Variants in BCAS3 observed in about 807,000 individuals in gnomAD.
The protein encoded by BCAS3 is BCAS3 microtubule associated cell migration factor.
BCAS3 carries 53 observed loss-of-function variants against 116.1 expected under a neutral mutation model. That is an observed-to-expected ratio of 0.46 (90% CI 0.37 to 0.57). The LOEUF (loss-of-function observed/expected upper bound fraction) is 0.57. BCAS3 is among the 20% of genes least tolerant of loss of function. The pLI, the probability that BCAS3 is intolerant of heterozygous loss-of-function variation, is 0.00. For synonymous variants in BCAS3, 391 were observed against 408.2 expected (o/e 0.96, Z 0.51); for missense variants, 917 against 1,165.4 (o/e 0.79, Z 3.10).
intron 8 of BCAS3, among the ~76,000 whole-genome samples, chr17:60,872,763 TAC>T (rs200021118): frequency 6.9e-6 from 1 of 145,506 alleles, no homozygotes; most frequent in African/African-American, 2.6e-5. Flanking sequence ...TATACACACA[TAC>T]ACACACACAC....
chr17:60,981,022 G>A (rs552207346), intron 14 of BCAS3, among the ~76,000 whole-genome samples: 37 of 151,868 alleles, frequency 2.4e-4, no homozygotes, highest in Admixed American at 6.6e-4. Context: ...TTTTTGTAGA[G>A]ACAGGTCCTT....
At chr17:60,806,054 T>TC (rs916624438) in intron 6 of BCAS3, among the ~76,000 whole-genome samples, 11 of 151,152 alleles carry the variant, frequency 7.3e-5, no homozygotes, top group African/African-American at 2.2e-4. Context: ...TTTTTTTTTT[T>TC]AAACTAGAGA....
At position 60,989,974 on chromosome 17, in the gene BCAS3, C is replaced by G; in HGVS notation, c.1225C>G (p.Gln409Glu). 1 of 1,613,824 alleles carries G rather than the reference C, an allele frequency of 6.2e-7. No individual in the cohort carries two copies. Among genetic ancestry groups the G allele is most frequent in the Non-Finnish European group, 8.5e-7 (1 of 1,179,812 alleles). ...TCTTTTCTTATCTCATTTCTAGGTA[C>G]AGGACATCTGCTTCAGCCATGACTG... ...LHRGETEAKV[Q>E]DICFSHDCRW... The change falls in exon 15 of 24, where the codon CAG becomes GAG. Residue 409 changes from glutamine (Q) to glutamate (E), a missense_variant. Gln to Glu is a conservative substitution (Grantham distance 29). Coordinates refer to ENST00000407086, the MANE Select transcript of BCAS3 (RefSeq NM_017679.5).
intron 14 of BCAS3, among the ~76,000 whole-genome samples, chr17:60,968,998 G>A (rs532336367): frequency 6.9e-6 from 1 of 145,022 alleles, no homozygotes; most frequent in South Asian, 2.1e-4. Flanking sequence ...CCATGAGTTG[G>A]GGGGGGAGAT....
chr17:60,906,402 T>C (rs1370998808), intron 11 of BCAS3, among the ~76,000 whole-genome samples: 2 of 152,158 alleles, frequency 1.3e-5, no homozygotes, highest in African/African-American at 4.8e-5. Flanking sequence ...CTTATTGCTG[T>C]AGGTGGACTC....
At chr17:60,945,921 C>A (rs1341165590) in intron 13 of BCAS3, among the ~76,000 whole-genome samples, 4 of 151,768 alleles carry the variant, frequency 2.6e-5, no homozygotes, top group Non-Finnish European at 2.9e-5. Flanking sequence ...GAGATCGAGA[C>A]CATCCTGGCT....
At chr17:60,848,840 C>CA (rs79372456) in intron 7 of BCAS3, among the ~76,000 whole-genome samples, 22,881 of 118,588 alleles carry the variant, frequency 0.19, 2,107 homozygotes, top group African/African-American at 0.3. Flanking sequence ...GCTGGGACTA[C>CA]AAAAAAAAAA....
rs2081611396 is a variant in BCAS3 at position 61,213,766 on chromosome 17, T to A, written c.2425+129202T>A. Reference sequence around the variant, plus strand: ...ATTAGAACACACACATTCAGAATTTTCTGGATGTGGTTTAGTATATCATGA... The same window carrying A: ...ATTAGAACACACACATTCAGAATTTACTGGATGTGGTTTAGTATATCATGA... On this transcript the variant is annotated intron_variant, in intron 22 of 23. Coordinates refer to ENST00000407086, the MANE Select transcript of BCAS3 (RefSeq NM_017679.5). This position sits in a 1 kb window ranked among gnomAD's most constrained non-coding sequence, Gnocchi z 5.4. Among the ~76,000 whole-genome samples the A allele has an allele frequency of 1.3e-5, 2 of 152,200 alleles. No homozygotes were observed. The highest frequency in any genetic ancestry group is 4.8e-5 in the African/African-American group (2 of 41,456).
In BCAS3 at chr17:61,220,578, G is replaced by C. The variant is rs2082053506; in HGVS notation, c.2425+136014G>C. Among the ~76,000 whole-genome samples, 1 of 152,168 alleles carries C rather than the reference G, an allele frequency of 6.6e-6. No homozygotes were observed. Among genetic ancestry groups the C allele is most frequent in the Admixed American group, 6.5e-5 (1 of 15,276 alleles). ...CTGGAATTCTCTTTGCTAAAACAAT[G>C]AGGTAGTTCAGTGAGGTAATACAAT... is the stretch of plus-strand genomic sequence containing the variant. On this transcript the variant is annotated intron_variant, in intron 22 of 23. Coordinates refer to ENST00000407086, the MANE Select transcript of BCAS3 (RefSeq NM_017679.5). The surrounding 1 kb of genome is among the most constrained non-coding windows in gnomAD (Gnocchi z 4.5).
In BCAS3 at chr17:60,747,342, C is replaced by T. The variant is rs149155404; in HGVS notation, c.403+63C>T. On this transcript the variant is annotated intron_variant, in intron 6 of 23. Coordinates refer to ENST00000407086, the MANE Select transcript of BCAS3 (RefSeq NM_017679.5). Reference sequence around the variant, plus strand: ...GAGTTTCTCTTTTGTTGGTCTTGGACTACAGGCAGCAAGAATGATAACTAA... The same window carrying T: ...GAGTTTCTCTTTTGTTGGTCTTGGATTACAGGCAGCAAGAATGATAACTAA... The T allele has an allele frequency of 4.5e-6, 6 of 1,323,190 alleles. No homozygotes were observed. The East Asian group carries it at 7.0e-5, about 15-fold the overall frequency. The allele number at this position is 1,323,190 out of a possible 1,614,324, so 82.0% of individuals were successfully genotyped here.
intron 22 of BCAS3, among the ~76,000 whole-genome samples, chr17:61,194,138 G>A (rs1174622620): frequency 6.6e-6 from 1 of 152,114 alleles, no homozygotes; most frequent in Non-Finnish European, 1.5e-5. Flanking sequence ...AGAAAGGAAA[G>A]GCAGGGAGGG....
At chr17:60,979,310 T>A (rs2062635829) in intron 14 of BCAS3, among the ~76,000 whole-genome samples, 1 of 147,978 alleles carries the variant, frequency 6.8e-6, no homozygotes, top group Non-Finnish European at 1.5e-5. Flanking sequence ...TGTTTGTCTG[T>A]TGTTGGTGTA....
chr17:61,180,464 G>A lies in BCAS3; in HGVS notation c.2425+95900G>A, dbSNP rs1328420610. On this transcript the variant is annotated intron_variant, in intron 22 of 23. Transcript: ENST00000407086. The surrounding 1 kb of genome is among the most constrained non-coding windows in gnomAD (Gnocchi z 6.0). The stretch of plus-strand genomic sequence containing the variant: ...AATTTGGCTAAAATTCTGGCCCAGT[G>A]TTGTCAGAGGATATGAAAGAAATAA... 3.3e-5 allele frequency among the ~76,000 whole-genome samples: 5 copies of A among 152,228 alleles called. No individual in the cohort carries two copies. The highest frequency in any genetic ancestry group is 7.3e-5 in the Non-Finnish European group (5 of 68,038).
chr17:61,271,284 C>G (rs868632835), intron 22 of BCAS3, among the ~76,000 whole-genome samples: 1 of 149,286 alleles, frequency 6.7e-6, no homozygotes, highest in Non-Finnish European at 1.5e-5. Flanking sequence ...CATGCCACCA[C>G]GCCCGACTAG....
intron 18 of BCAS3, among the ~76,000 whole-genome samples, chr17:61,039,746 CT>C (rs1157818390): frequency 6.6e-6 from 1 of 152,102 alleles, no homozygotes; most frequent in East Asian, 1.9e-4. Context: ...TAATTGTCTT[CT>C]GTATGTACCT....
intron 13 of BCAS3, among the ~76,000 whole-genome samples, chr17:60,929,332 G>T (rs1415830984): frequency 6.6e-6 from 1 of 152,134 alleles, no homozygotes; most frequent in African/African-American, 2.4e-5. Context: ...GGGAGGCTGA[G>T]ATGGAAGACT....
At chr17:61,207,005 A>G (rs2081183267) in intron 22 of BCAS3, among the ~76,000 whole-genome samples, 1 of 151,886 alleles carries the variant, frequency 6.6e-6, no homozygotes, top group Non-Finnish European at 1.5e-5. Context: ...GGAAGAAGTG[A>G]CACGTAAGCT....
Position 60,995,621 on chromosome 17 carries a change from G to T in BCAS3, c.1486+5386G>T, listed in dbSNP as rs903036126. Among the ~76,000 whole-genome samples, 3 of 152,146 alleles carry T rather than the reference G, an allele frequency of 2.0e-5. No homozygotes were observed. Among genetic ancestry groups the T allele is most frequent in the Non-Finnish European group, 1.5e-5 (1 of 68,024 alleles). On this transcript the variant is annotated intron_variant, in intron 15 of 23. Coordinates refer to ENST00000407086, the MANE Select transcript of BCAS3 (RefSeq NM_017679.5). The surrounding 1 kb of genome is among the most constrained non-coding windows in gnomAD (Gnocchi z 4.7). ...CCAGTTTCTAAGGCTTTAAACCAGAGTTTTAAAACATCTTTAGAAGTTGTT... is the reference window on the plus strand; with the variant it reads ...CCAGTTTCTAAGGCTTTAAACCAGATTTTTAAAACATCTTTAGAAGTTGTT...
At chr17:60,988,182 G>GTGATAAA (rs199531522) in intron 14 of BCAS3, among the ~76,000 whole-genome samples, 27 of 133,638 alleles carry the variant, frequency 2.0e-4, no homozygotes, top group African/African-American at 1.0e-3. Flanking sequence ...CCACTTGGTT[G>GTGATAAA]TGATTTTTTT....
Sources: allele counts gnomAD v4.1 joint callset (sites outside exome capture counted in the v4.1 genomes callset), GRCh38; gene constraint gnomAD v4.1.1; non-coding constraint Gnocchi (gnomAD v3.1); transcripts MANE v1.5; gene names NCBI Gene and HGNC (gene_info 2026-07-23, HGNC 2026-07-21).